The following AHDC1 variants were observed in gnomAD, a reference collection of about 807,000 sequenced individuals.
AHDC1 encodes AT-hook DNA binding motif containing 1.
AHDC1 carries 7 observed loss-of-function variants against 87.9 expected under a neutral mutation model. That is an observed-to-expected ratio of 0.08 (90% CI 0.05 to 0.15). The LOEUF is 0.15. Among genes scored for constraint, AHDC1 ranks in the 10% least tolerant of loss-of-function variants. The pLI is 1.00. For synonymous variants in AHDC1, 1,051 were observed against 1,006.8 expected, an observed-to-expected ratio of 1.04 and a Z score of -0.83; for missense variants, 1,841 against 2,253.2, an observed-to-expected ratio of 0.82 and a Z score of 3.70.
In AHDC1 at chr1:27,548,224, T is replaced by C; in HGVS notation, c.3892A>G (p.Lys1298Glu). Reference protein sequence around the residue: ...GAAAKAKFIPKPQPVNPLFQD... With the variant: ...GAAAKAKFIPEPQPVNPLFQD... Reference sequence around the variant, plus strand: ...AACAGTGGGTTGACTGGCTGTGGCTTGGGGATGAACTTGGCTTTGGCCGCT... The same window carrying C: ...AACAGTGGGTTGACTGGCTGTGGCTCGGGGATGAACTTGGCTTTGGCCGCT... Residue 1298 changes from lysine to glutamate, a missense_variant, in exon 8 of 9, where the codon AAG (lysine) becomes GAG (glutamate). Physicochemically the swap from Lys to Glu is moderately conservative, Grantham distance 56 (BLOSUM62 1). Around this residue, in one of 13 missense-constraint regions of AHDC1, gnomAD observed 505 missense variants for 626.2 expected, o/e 0.81. Transcript: ENST00000673934. 1 of 1,613,298 alleles carries C rather than the reference T, an allele frequency of 6.2e-7. No homozygotes were observed. Among genetic ancestry groups the C allele is most frequent in the Middle Eastern group, 1.7e-4 (1 of 6,060 alleles).
At chr1:27,552,314 C>T (rs2019614863) in intron 7 of AHDC1, 125 bp from the exon 8 acceptor site, 3 of 930,216 alleles carry the variant, frequency 3.2e-6, no homozygotes, top group Non-Finnish European at 4.3e-6. Context: ...AGCTCCCCTC[C>T]CCACCCCAAG....
intron 3 of AHDC1, among the ~76,000 whole-genome samples, chr1:27,559,685 G>A (rs551200057): frequency 2.6e-5 from 4 of 152,142 alleles, no homozygotes; most frequent in Non-Finnish European, 5.9e-5. Context: ...TTTCCACAAG[G>A]GTGTATATGC....
chr1:27,577,167 G>A (rs994476589), intron 3 of AHDC1, among the ~76,000 whole-genome samples: 2 of 152,186 alleles, frequency 1.3e-5, no homozygotes, highest in Non-Finnish European at 2.9e-5. Flanking sequence ...GGCCCAAGAG[G>A]AAGGGATGGG....
intron 3 of AHDC1, among the ~76,000 whole-genome samples, chr1:27,594,328 G>A (rs1189395120): frequency 2.0e-5 from 3 of 152,068 alleles, no homozygotes; most frequent in African/African-American, 7.3e-5. Context: ...GTGAGCCAAG[G>A]GGTTGGGGGA....
intron 5 of AHDC1, 79 bp from the exon 6 acceptor site, chr1:27,553,264 C>G (rs1045588024): frequency 1.3e-5 from 2 of 152,412 alleles, no homozygotes; most frequent in Non-Finnish European, 2.9e-5. Context: ...GTCCAGGCAT[C>G]GTTTCATTTA....
Position 27,577,790 on chromosome 1 carries a change from C to T in AHDC1, c.-628-18907G>A, listed in dbSNP as rs550813808. On this transcript the variant is annotated intron_variant, in intron 3 of 8. Coordinates refer to ENST00000673934, the MANE Select transcript of AHDC1 (RefSeq NM_001371928.1). ...GCTCCCCTCCCCCTGACCTGCCAGG[C>T]CAGACAAGACTGAGGTGACACTGGG... is the stretch of plus-strand genomic sequence containing the variant. Among the ~76,000 whole-genome samples the T allele has an allele frequency of 1.1e-4, 16 of 152,322 alleles. No individual in the cohort carries two copies. In the East Asian group the frequency reaches 2.9e-3, roughly 28 times the overall value.
intron 8 of AHDC1, among the ~76,000 whole-genome samples, chr1:27,542,574 G>A (rs529251678): frequency 6.6e-6 from 1 of 152,360 alleles, no homozygotes; most frequent in Non-Finnish European, 1.5e-5. Flanking sequence ...CTGGCCAAGG[G>A]CTTCACGTGT....
At chr1:27,557,666 A>G (rs1203140415) in intron 5 of AHDC1, among the ~76,000 whole-genome samples, 1 of 152,198 alleles carries the variant, frequency 6.6e-6, no homozygotes, top group Non-Finnish European at 1.5e-5. Flanking sequence ...ACACCGTACC[A>G]TCGCAGTGTA....
rs769520578 is a variant in AHDC1 at position 27,551,468 on chromosome 1, G to A, written c.648C>T (p.Pro216=). Residue 216 remains proline, a synonymous_variant, in exon 8 of 9, where the codon CCC becomes CCT. Coordinates refer to ENST00000673934, the MANE Select transcript of AHDC1 (RefSeq NM_001371928.1). The part of the protein sequence containing the change: ...DSPQPGQGHS[P]GATAAATGLP... ...GACCCGTGGCCGCAGCCGTGGCTCC[G>A]GGACTATGGCCTTGGCCAGGCTGGG... The A allele has an allele frequency of 9.3e-6, 15 of 1,610,338 alleles. No homozygotes were observed. The highest frequency in any genetic ancestry group is 3.3e-5 in the South Asian group (3 of 90,930).
At position 27,551,923 on chromosome 1, in the gene AHDC1, G is replaced by A. The variant is rs772941209; in HGVS notation, c.193C>T (p.Pro65Ser). Residue 65 changes from proline (P) to serine (S), a missense_variant, in exon 8 of 9, where the codon CCA (proline) becomes TCA (serine). By Grantham distance (74) the Pro-to-Ser change is moderately conservative. Coordinates refer to ENST00000673934, the MANE Select transcript of AHDC1 (RefSeq NM_001371928.1). The part of the protein sequence containing the change: ...HAFSENPRPP[P>S]RRDPSTRRPP... ...CGCCGGGTGCTGGGGTCCCGGCGTG[G>A]GGGTGGGCGTGGGTTCTCGGAGAAG... The A allele has an allele frequency of 6.3e-7, 1 of 1,579,024 alleles. No individual in the cohort carries two copies. The highest frequency in any genetic ancestry group is 1.2e-5 in the South Asian group (1 of 86,652).
chr1:27,574,924 G>A (rs992140132), intron 3 of AHDC1, among the ~76,000 whole-genome samples: 3 of 152,188 alleles, frequency 2.0e-5, no homozygotes, highest in Non-Finnish European at 4.4e-5. Context: ...GGACTCTGGG[G>A]CCTGCAAGGT....
chr1:27,586,335 G>A (rs565279859), intron 3 of AHDC1, among the ~76,000 whole-genome samples: 124 of 152,082 alleles, frequency 8.2e-4, no homozygotes, highest in African/African-American at 2.9e-3. Flanking sequence ...TGGTGGAGAG[G>A]ACCCCTGGGA....
chr1:27,549,949 G>T lies in AHDC1; in HGVS notation c.2167C>A (p.Pro723Thr), dbSNP rs765103931. The change falls in exon 8 of 9, where the codon CCA (proline) becomes ACA (threonine). Residue 723 changes from proline (P) to threonine (T), a missense_variant. By Grantham distance (38) the Pro-to-Thr change is conservative. Around this residue, in one of 13 missense-constraint regions of AHDC1, gnomAD observed 236 missense variants for 257.9 expected, o/e 0.92. Coordinates refer to ENST00000673934, the MANE Select transcript of AHDC1 (RefSeq NM_001371928.1). Reference protein sequence around the residue: ...GGPGLTELGHPRKRGRGEVDA... With the variant: ...GGPGLTELGHTRKRGRGEVDA... ...ACCTCCCCCCGGCCCCGTTTGCGTG[G>T]GTGCCCCAACTCAGTAAGGCCCGGG... 6.2e-7 allele frequency: 1 copy of T among 1,612,746 alleles called. No individual in the cohort carries two copies. The highest frequency in any genetic ancestry group is 1.3e-5 in the African/African-American group (1 of 74,876).
chr1:27,543,611 G>C (rs987777831), intron 8 of AHDC1, among the ~76,000 whole-genome samples: 1 of 152,166 alleles, frequency 6.6e-6, no homozygotes. Context: ...TTCTTCCACA[G>C]AACCTCAAAA....
In AHDC1 at chr1:27,547,767, G is replaced by C. The variant is rs377174668; in HGVS notation, c.4349C>G (p.Pro1450Arg). 2.5e-6 allele frequency: 4 copies of C among 1,580,430 alleles called. No individual in the cohort carries two copies. The highest frequency in any genetic ancestry group is 3.4e-6 in the Non-Finnish European group (4 of 1,161,330). ...GGAATCGTAGTGGGGCTGGCCCAGC[G>C]GCAGGTCCCGGCAGCTCAGGTGGGC... The part of the protein sequence containing the change: ...AQAHLSCRDL[P>R]LGQPHYDSPS... The change falls in exon 8 of 9, where the codon CCG becomes CGG. Residue 1450 changes from proline to arginine, a missense_variant. By Grantham distance (103) the Pro-to-Arg change is moderately radical. This residue lies in a region of AHDC1 where 505 missense variants were observed against 626.2 expected (regional missense o/e 0.81). Coordinates refer to ENST00000673934, the MANE Select transcript of AHDC1 (RefSeq NM_001371928.1). The surrounding 1 kb of genome is among the most constrained non-coding windows in gnomAD (Gnocchi z 4.9).
At position 27,549,417 on chromosome 1, in the gene AHDC1, A is replaced by G; in HGVS notation, c.2699T>C (p.Val900Ala). 6.2e-7 allele frequency: 1 copy of G among 1,612,878 alleles called. No individual in the cohort carries two copies. Among genetic ancestry groups the G allele is most frequent in the East Asian group, 2.2e-5 (1 of 44,848 alleles). Reference sequence around the variant, plus strand: ...GTCCGCCCCAGCCCCGCTGCTACCCACTGCCACTGGGCTGGCCTTGGCTCC... The same window carrying G: ...GTCCGCCCCAGCCCCGCTGCTACCCGCTGCCACTGGGCTGGCCTTGGCTCC... ...SRGAKASPVA[V>A]GSSGAGADPS... is the part of the protein sequence containing the mutation. Residue 900 changes from valine (V) to alanine (A), a missense_variant, in exon 8 of 9, where the codon GTG becomes GCG. This residue lies in a region of AHDC1 where 378 missense variants were observed against 399.0 expected (regional missense o/e 0.95). Coordinates refer to ENST00000673934, the MANE Select transcript of AHDC1 (RefSeq NM_001371928.1).
chr1:27,602,687 C>T (rs2089564294), intron 3 of AHDC1, among the ~76,000 whole-genome samples: 1 of 152,178 alleles, frequency 6.6e-6, no homozygotes, highest in African/African-American at 2.4e-5. Context: ...ATCAGAGCCC[C>T]AGAGGAAACG....
At chr1:27,542,238 G>A (rs1171474210) in intron 8 of AHDC1, among the ~76,000 whole-genome samples, 1 of 152,222 alleles carries the variant, frequency 6.6e-6, no homozygotes, top group Admixed American at 6.5e-5. Context: ...GTGCATAACT[G>A]TGATGACAGC....
chr1:27,581,210 G>C (rs2088898766), intron 3 of AHDC1, among the ~76,000 whole-genome samples: 1 of 151,964 alleles, frequency 6.6e-6, no homozygotes, highest in Non-Finnish European at 1.5e-5. Flanking sequence ...GCTCACTGCA[G>C]CTTCAACCTC....
Sources: allele counts gnomAD v4.1 joint callset (sites outside exome capture counted in the v4.1 genomes callset), GRCh38; gene constraint gnomAD v4.1.1; regional missense constraint gnomAD v4.1.1; non-coding constraint Gnocchi (gnomAD v3.1); transcripts MANE v1.5; gene names NCBI Gene and HGNC (gene_info 2026-07-23, HGNC 2026-07-21).